The following PARD3B variants were observed in gnomAD, a reference collection of about 807,000 sequenced individuals.
PARD3B encodes partitioning defective 3 homolog B.
PARD3B carries 103 observed loss-of-function variants against 130.2 expected under a neutral mutation model. The ratio of observed to expected loss-of-function variants is 0.79; its 90% confidence interval spans 0.67 to 0.93. The LOEUF (loss-of-function observed/expected upper bound fraction) is 0.93. Ranked by LOEUF, PARD3B falls within the 40% of genes least tolerant of loss-of-function variation. The pLI, the probability that PARD3B is intolerant of heterozygous loss-of-function variation, is 0.00. For missense variants in PARD3B, 1,609 were observed against 1,499.2 expected (o/e 1.07, Z -1.21); for synonymous variants, 583 against 553.2 (o/e 1.05, Z -0.76).
At position 205,301,807 on chromosome 2, in the gene PARD3B, A is replaced by G. The variant is rs1194528121; in HGVS notation, c.2630+106A>G. The stretch of plus-strand genomic sequence containing the variant: ...AAAGCGCACGCTTTTCCTCGTCTTC[A>G]GCCAAATGCATACGGCTCTCAATTC... On this transcript the variant is annotated intron_variant, in intron 18 of 22. Coordinates refer to ENST00000406610, the MANE Select transcript of PARD3B (RefSeq NM_001302769.2). This position sits in a 1 kb window ranked among gnomAD's most constrained non-coding sequence, Gnocchi z 5.2. The G allele has an allele frequency of 6.5e-7, 1 of 1,534,020 alleles. No homozygotes were observed. Among genetic ancestry groups the G allele is most frequent in the African/African-American group, 1.4e-5 (1 of 73,188 alleles).
intron 18 of PARD3B, among the ~76,000 whole-genome samples, chr2:205,362,288 T>C (rs2044418652): frequency 6.6e-6 from 1 of 152,218 alleles, no homozygotes; most frequent in South Asian, 2.1e-4. Flanking sequence ...TTTATTTTGA[T>C]TTTCATGTTT....
intron 2 of PARD3B, among the ~76,000 whole-genome samples, chr2:204,745,413 T>A (rs2040175393): frequency 6.6e-6 from 1 of 152,082 alleles, no homozygotes; most frequent in Non-Finnish European, 1.5e-5. Context: ...CTACCTTTTT[T>A]TTTTTTTGTT....
intron 3 of PARD3B, among the ~76,000 whole-genome samples, chr2:205,032,318 T>C (rs1697485381): frequency 6.6e-6 from 1 of 152,116 alleles, no homozygotes; most frequent in South Asian, 2.1e-4. Context: ...CAGAGTACTT[T>C]CACATGGATT....
rs142553337 is a variant in PARD3B at position 205,253,734 on chromosome 2, G to A, written c.2185+7912G>A. Among the ~76,000 whole-genome samples, 130 of 152,230 alleles carry A rather than the reference G, an allele frequency of 8.5e-4. No individual in the cohort carries two copies. Among genetic ancestry groups the A allele is most frequent in the African/African-American group, 2.8e-3 (115 of 41,550 alleles). The stretch of plus-strand genomic sequence containing the variant: ...GTGACAGGCTAGCATGAGCTGTGCA[G>A]CAGCAAGATTCCATATGAGCAAAGT... On this transcript the variant is annotated intron_variant, in intron 16 of 22. Transcript: ENST00000406610. The surrounding 1 kb of genome is among the most constrained non-coding windows in gnomAD (Gnocchi z 4.4).
chr2:204,903,640 T>C (rs2046945439), intron 2 of PARD3B, among the ~76,000 whole-genome samples: 1 of 152,202 alleles, frequency 6.6e-6, no homozygotes, highest in South Asian at 2.1e-4. Context: ...TTCCTCATTC[T>C]CTTTTTATCG....
intron 2 of PARD3B, among the ~76,000 whole-genome samples, chr2:204,843,697 A>G (rs912020679): frequency 2.0e-5 from 3 of 152,038 alleles, no homozygotes; most frequent in Non-Finnish European, 4.4e-5. Context: ...TCCATAATCA[A>G]CCTGCCCAGA....
intron 2 of PARD3B, among the ~76,000 whole-genome samples, chr2:204,941,041 A>T (rs970887658): frequency 1.3e-5 from 2 of 152,202 alleles, no homozygotes; most frequent in African/African-American, 4.8e-5. Flanking sequence ...AACGTGGGAG[A>T]GTTAAAAAAC....
Position 205,047,781 on chromosome 2 carries a change from A to G in PARD3B, c.504+91A>G, listed in dbSNP as rs1698906191. 4.9e-6 allele frequency: 4 copies of G among 815,086 alleles called. No homozygotes were observed. The Admixed American group carries it at 9.8e-5, about 20-fold the overall frequency. 50.5% of individuals were successfully genotyped at this position (815,086 alleles called of 1,614,324 possible). A position where few individuals can be genotyped will look rare whatever the true frequency, so the allele number is the denominator to read the frequency against. ...ACTTTGCAGTTTTAAACACATTGAT[A>G]ACTAGATAGAGATCTTTTGATAGTA... On this transcript the variant is annotated intron_variant, in intron 4 of 22. Transcript: ENST00000406610.
At chr2:205,057,858 A>G (rs1230670630) in intron 4 of PARD3B, among the ~76,000 whole-genome samples, 4 of 148,070 alleles carry the variant, frequency 2.7e-5, no homozygotes, top group Non-Finnish European at 6.0e-5. Context: ...GATGTTTTAA[A>G]ATTTCTTGGT....
chr2:205,156,274 G>GA (rs1354799316), intron 10 of PARD3B, among the ~76,000 whole-genome samples: 7 of 139,164 alleles, frequency 5.0e-5, no homozygotes, highest in African/African-American at 1.9e-4. Context: ...GGGTGGGCGG[G>GA]GGGGGGAGGA....
At chr2:204,979,686 A>G (rs778718929) in intron 3 of PARD3B, among the ~76,000 whole-genome samples, 1 of 152,206 alleles carries the variant, frequency 6.6e-6, no homozygotes, top group Admixed American at 6.5e-5. Flanking sequence ...GCACAAGAAC[A>G]GAACAATGGA....
chr2:205,270,831 C>G, intron 16 of PARD3B, among the ~76,000 whole-genome samples: 1 of 152,082 alleles, frequency 6.6e-6, no homozygotes, highest in African/African-American at 2.4e-5. Context: ...ATTTATCTTA[C>G]CAGTAAAAGC....
At chr2:204,690,826 A>G (rs185228040) in intron 2 of PARD3B, among the ~76,000 whole-genome samples, 158 of 152,254 alleles carry the variant, frequency 1.0e-3, no homozygotes, top group Middle Eastern at 6.8e-3. Context: ...CTCAAATTTC[A>G]TATTGACTGG....
In PARD3B at chr2:204,545,830, G is replaced by C; in HGVS notation, c.-170G>C. On this transcript the variant is annotated 5_prime_UTR_variant, in exon 1 of 23. Transcript: ENST00000406610. ...CCCCGATTCCCGCCACCTGCCGCCT[G>C]GCCAGGTGGAAGGGGCGCTGCCGCG... 1.5e-6 allele frequency: 1 copy of C among 661,450 alleles called. No individual in the cohort carries two copies. Among genetic ancestry groups the C allele is most frequent in the Non-Finnish European group, 2.3e-6 (1 of 439,942 alleles). 41.0% of individuals were successfully genotyped at this position (661,450 alleles called of 1,614,324 possible).
intron 15 of PARD3B, among the ~76,000 whole-genome samples, chr2:205,194,869 C>T (rs1225645165): frequency 3.3e-5 from 5 of 151,772 alleles, no homozygotes; most frequent in Non-Finnish European, 5.9e-5. Context: ...CTGCAACCTC[C>T]GCCCCCTGGG....
intron 2 of PARD3B, among the ~76,000 whole-genome samples, chr2:204,775,649 T>C (rs761428524): frequency 3.3e-5 from 5 of 152,288 alleles, no homozygotes; most frequent in Middle Eastern, 3.4e-3. Context: ...AGTGCTGCCT[T>C]CTGAGTCTAC....
chr2:205,476,420 AATC>A (rs2049024593), intron 20 of PARD3B, among the ~76,000 whole-genome samples: 1 of 152,112 alleles, frequency 6.6e-6, no homozygotes, highest in Non-Finnish European at 1.5e-5. Flanking sequence ...ATTTGTTTTC[AATC>A]ACCACCCTTA....
intron 21 of PARD3B, among the ~76,000 whole-genome samples, chr2:205,523,771 GC>G (rs1305839489): frequency 6.7e-6 from 1 of 148,758 alleles, no homozygotes; most frequent in Non-Finnish European, 1.5e-5. Flanking sequence ...TGCTATGACA[GC>G]TCCATTGCTC....
chr2:204,613,495 C>G (rs936597165), intron 1 of PARD3B, among the ~76,000 whole-genome samples: 2 of 152,068 alleles, frequency 1.3e-5, no homozygotes, highest in African/African-American at 4.8e-5. Flanking sequence ...TATCCTTCGC[C>G]TATTCTCAAG....
Sources: allele counts gnomAD v4.1 joint callset (sites outside exome capture counted in the v4.1 genomes callset), GRCh38; gene constraint gnomAD v4.1.1; non-coding constraint Gnocchi (gnomAD v3.1); transcripts MANE v1.5; gene names NCBI Gene and HGNC (gene_info 2026-07-23, HGNC 2026-07-21).